Variants in MAMDC2 observed in about 807,000 individuals in gnomAD.
The protein encoded by MAMDC2 is MAM domain containing 2.
A neutral mutation model predicts 89.8 loss-of-function variants in MAMDC2; 57 were observed. That is an observed-to-expected ratio of 0.63 (90% CI 0.51 to 0.79). MAMDC2 has a LOEUF of 0.79. MAMDC2 is among the 30% of genes least tolerant of loss of function. The pLI is 0.00. For synonymous variants in MAMDC2, 313 were observed against 293.4 expected (o/e 1.07, Z -0.68); for missense variants, 800 against 820.6 (o/e 0.97, Z 0.31).
chr9:70,200,528 G>C (rs1009885396), intron 11 of MAMDC2, among the ~76,000 whole-genome samples: 122 of 151,670 alleles, frequency 8.0e-4, no homozygotes, highest in African/African-American at 2.7e-3. Context: ...TTGACTTGGC[G>C]ATGCGGGCTC....
chr9:70,213,183 G>GTCATC (rs2033388240), intron 11 of MAMDC2, among the ~76,000 whole-genome samples: 1 of 152,154 alleles, frequency 6.6e-6, no homozygotes, highest in African/African-American at 2.4e-5. Context: ...CAATTCTTAG[G>GTCATC]TCATCTCTCT....
Position 70,044,591 on chromosome 9 carries a change from G to C in MAMDC2, c.42G>C (p.Gln14His). 1 of 1,549,992 alleles carries C rather than the reference G, an allele frequency of 6.5e-7. No individual in the cohort carries two copies. Among genetic ancestry groups the C allele is most frequent in the East Asian group, 2.4e-5 (1 of 40,906 alleles). ...RGVLLALQAL[Q>H]LAGALDLPAG... ...CTCGCTTTGTGCCCGCAGCCCTGCA[G>C]CTCGCCGGTGCCCTCGACCTGCCCG... is the stretch of plus-strand genomic sequence containing the variant. Residue 14 changes from glutamine (Q) to histidine (H), a missense_variant, in exon 2 of 14, where the codon CAG becomes CAC. By Grantham distance (24) the Gln-to-His change is conservative. Coordinates refer to ENST00000377182, the MANE Select transcript of MAMDC2 (RefSeq NM_153267.5).
At chr9:70,084,549 C>T (rs1027000700) in intron 2 of MAMDC2, among the ~76,000 whole-genome samples, 1 of 152,012 alleles carries the variant, frequency 6.6e-6, no homozygotes, top group Non-Finnish European at 1.5e-5. Flanking sequence ...CACCCCCTGC[C>T]TAACCTTTAC....
chr9:70,093,265 T>C (rs1827946900), intron 2 of MAMDC2, among the ~76,000 whole-genome samples: 1 of 152,174 alleles, frequency 6.6e-6, no homozygotes, highest in Non-Finnish European at 1.5e-5. Flanking sequence ...GCAAAACTGG[T>C]AAGATAGCAT....
At chr9:70,145,346 G>A (rs1353240408) in intron 9 of MAMDC2, among the ~76,000 whole-genome samples, 2 of 152,202 alleles carry the variant, frequency 1.3e-5, no homozygotes, top group Non-Finnish European at 2.9e-5. Context: ...TCATTGCCTA[G>A]ACAATATCAA....
chr9:70,058,767 C>T (rs1827081967), intron 2 of MAMDC2, among the ~76,000 whole-genome samples: 1 of 152,176 alleles, frequency 6.6e-6, no homozygotes, highest in Admixed American at 6.5e-5. Flanking sequence ...CTAAGAGAAG[C>T]ATGTAGAAAC....
At chr9:70,223,093 C>T (rs57102200) in intron 12 of MAMDC2, among the ~76,000 whole-genome samples, 8 of 141,448 alleles carry the variant, frequency 5.7e-5, no homozygotes, top group East Asian at 2.2e-4. Context: ...GAGCTGATAT[C>T]GCATCACTGC....
chr9:70,074,372 A>G (rs1827481298), intron 2 of MAMDC2, among the ~76,000 whole-genome samples: 1 of 152,204 alleles, frequency 6.6e-6, no homozygotes, highest in Non-Finnish European at 1.5e-5. Context: ...TTCTTAAGAG[A>G]TGTATGTTTG....
intron 2 of MAMDC2, among the ~76,000 whole-genome samples, chr9:70,045,367 T>A (rs1826723007): frequency 6.6e-6 from 1 of 152,186 alleles, no homozygotes; most frequent in African/African-American, 2.4e-5. Context: ...TGAAGTGTCA[T>A]CTTGCCTTTA....
intron 2 of MAMDC2, among the ~76,000 whole-genome samples, chr9:70,071,234 T>G (rs1326426996): frequency 1.3e-5 from 2 of 152,188 alleles, no homozygotes; most frequent in East Asian, 3.9e-4. Flanking sequence ...GAAGGAAAAC[T>G]CGAGAGTAGT....
chr9:70,114,048 T>C (rs1452508596), intron 5 of MAMDC2, among the ~76,000 whole-genome samples: 1 of 151,942 alleles, frequency 6.6e-6, no homozygotes, highest in Non-Finnish European at 1.5e-5. Flanking sequence ...CTTCATTCAG[T>C]ATTGCTTCTC....
At chr9:70,112,947 C>T (rs199621345) in intron 4 of MAMDC2, 48 bp from the exon 5 acceptor site, 22 of 1,610,622 alleles carry the variant, frequency 1.4e-5, no homozygotes, top group Admixed American at 1.0e-4. Flanking sequence ...ATGCGTGTAC[C>T]CAGGTGTGAC....
At chr9:70,128,026 A>G (rs1010415238) in intron 6 of MAMDC2, among the ~76,000 whole-genome samples, 1 of 152,154 alleles carries the variant, frequency 6.6e-6, no homozygotes, top group African/African-American at 2.4e-5. Flanking sequence ...CTAAACCTCA[A>G]TACACATCCT....
At chr9:70,221,380 T>TATATATATATATATAGAGAG in intron 12 of MAMDC2, among the ~76,000 whole-genome samples, 1 of 7,040 alleles carries the variant, frequency 1.4e-4, no homozygotes, top group South Asian at 0.016. Flanking sequence ...TATATATATA[T>TATATATATATATATAGAGAG]AGAGAGAGAG....
At chr9:70,221,456 A>C (rs2033565146) in intron 12 of MAMDC2, among the ~76,000 whole-genome samples, 1 of 145,124 alleles carries the variant, frequency 6.9e-6, no homozygotes, top group African/African-American at 2.6e-5. Flanking sequence ...GAGCTCATGG[A>C]AGTAGAGAGT....
intron 11 of MAMDC2, among the ~76,000 whole-genome samples, chr9:70,200,108 G>A (rs1245441350): frequency 6.6e-6 from 1 of 151,444 alleles, no homozygotes; most frequent in Non-Finnish European, 1.5e-5. Flanking sequence ...TTGGTGTTTT[G>A]GACATGAAGT....
chr9:70,050,713 A>C (rs1826874260), intron 2 of MAMDC2, among the ~76,000 whole-genome samples: 1 of 152,162 alleles, frequency 6.6e-6, no homozygotes, highest in Non-Finnish European at 1.5e-5. Context: ...CAGCTTTCCA[A>C]AACAGCTTTT....
rs113788402 is a variant in MAMDC2, at chr9:70,168,262, C to G, written c.1405-440C>G. On this transcript the variant is annotated intron_variant, in intron 9 of 13. Coordinates refer to ENST00000377182, the MANE Select transcript of MAMDC2 (RefSeq NM_153267.5). Reference sequence around the variant, plus strand: ...ATCCCAGCACTTTGGGAGGCCAAGGCAGGCAGATCACCTGAGGTCAGGAGT... The same window carrying G: ...ATCCCAGCACTTTGGGAGGCCAAGGGAGGCAGATCACCTGAGGTCAGGAGT... 1.8e-3 allele frequency among the ~76,000 whole-genome samples: 271 copies of G among 152,250 alleles called. 3 individuals are homozygous for G. Among genetic ancestry groups the G allele is most frequent in the Middle Eastern group, 6.8e-3 (2 of 294 alleles).
At chr9:70,064,120 G>GTA (rs906072238) in intron 2 of MAMDC2, among the ~76,000 whole-genome samples, 39 of 151,596 alleles carry the variant, frequency 2.6e-4, no homozygotes, top group East Asian at 9.7e-4. Flanking sequence ...TAAAAATGAT[G>GTA]TATATATATA....
Sources: allele counts gnomAD v4.1 joint callset (sites outside exome capture counted in the v4.1 genomes callset), GRCh38; gene constraint gnomAD v4.1.1; transcripts MANE v1.5; gene names NCBI Gene and HGNC (gene_info 2026-07-23, HGNC 2026-07-21).